The following FAM163B variants were observed in gnomAD, a reference collection of about 807,000 sequenced individuals.
FAM163B encodes family with sequence similarity 163 member B, also known as protein FAM163B.
FAM163B carries 4 observed loss-of-function variants against 7.6 expected under a neutral mutation model. The ratio of observed to expected loss-of-function variants is 0.52; its 90% CI spans 0.26 to 1.20. FAM163B has a LOEUF of 1.20. FAM163B is among the 50% of genes most tolerant of loss of function. The probability of loss-of-function intolerance (pLI) is 0.14; values close to 1 mark genes in which losing one functional copy is unlikely to be tolerated. For missense variants in FAM163B, 250 were observed against 243.0 expected (o/e 1.03, Z -0.19); for synonymous variants, 120 against 111.6 (o/e 1.07, Z -0.47).
Position 133,578,600 on chromosome 9 carries a change from C to A in FAM163B, c.*422G>T, listed in dbSNP as rs1831290918. 1 of 180,628 alleles carries A rather than the reference C, an allele frequency of 5.5e-6. No individual in the cohort carries two copies. Among genetic ancestry groups the A allele is most frequent in the Non-Finnish European group, 1.1e-5 (1 of 87,104 alleles). 11.2% of individuals were successfully genotyped at this position (180,628 alleles called of 1,614,324 possible). A position where few individuals can be genotyped will look rare whatever the true frequency, so the allele number is the denominator to read the frequency against. ...TGCCAGGGAGGGCCTTGCTGCAGGG[C>A]CCTGGGCCTCACTGAGGTCATCCCT... On this transcript the variant is annotated 3_prime_UTR_variant, in exon 3 of 3. Transcript: ENST00000673969.
In FAM163B at chr9:133,606,865, G is replaced by A. The variant is rs1831796422; in HGVS notation, c.-24+2212C>T. Among the ~76,000 whole-genome samples the A allele has an allele frequency of 6.6e-6, 1 of 152,222 alleles. No homozygotes were observed. The highest frequency in any genetic ancestry group is 2.1e-4 in the South Asian group (1 of 4,822). On this transcript the variant is annotated intron_variant, in intron 1 of 2. Transcript: ENST00000673969. The surrounding 1 kb of genome is among the most constrained non-coding windows in gnomAD (Gnocchi z 4.0). The stretch of plus-strand genomic sequence containing the variant: ...ATTCCTCGCTGGAGCCCGCTGCCAT[G>A]AGGCTGCAGAGGCAGGCCCACGTGG...
At chr9:133,597,736 G>A (rs1333274385) in intron 1 of FAM163B, among the ~76,000 whole-genome samples, 1 of 152,054 alleles carries the variant, frequency 6.6e-6, no homozygotes, top group East Asian at 1.9e-4. Context: ...TAAACACAGA[G>A]CCAAGGGCTG....
intron 1 of FAM163B, among the ~76,000 whole-genome samples, chr9:133,587,114 C>T (rs1030667887): frequency 4.6e-5 from 7 of 152,220 alleles, no homozygotes; most frequent in Non-Finnish European, 1.0e-4. Flanking sequence ...CGGACAGATG[C>T]CTATCCTTGC....
At chr9:133,584,108 C>G (rs1190436102) in intron 1 of FAM163B, among the ~76,000 whole-genome samples, 2 of 152,108 alleles carry the variant, frequency 1.3e-5, no homozygotes, top group Non-Finnish European at 1.5e-5. Flanking sequence ...TCCCAGGAAG[C>G]CTTCCTGAAC....
In FAM163B at chr9:133,579,321, TG is replaced by T; in HGVS notation, c.201del (p.Asn68ThrfsTer48). 1 of 1,613,688 alleles carries T rather than the reference TG, an allele frequency of 6.2e-7. No homozygotes were observed. Among genetic ancestry groups the T allele is most frequent in the South Asian group, 1.1e-5 (1 of 91,036 alleles). ...PLHSNRNLVL[T>X]NGPALYPTAS... is the part of the protein sequence containing the mutation. ...GCGGTGGGGTAGAGCGCCGGCCCGT[TG>T]GTCAGCACCAGGTTGCGGTTGGAGT... On this transcript the variant is annotated frameshift_variant, in exon 3 of 3. Transcript: ENST00000673969. LOFTEE classifies it high-confidence loss of function.
At chr9:133,587,582 T>C (rs1284472688) in intron 1 of FAM163B, among the ~76,000 whole-genome samples, 3 of 151,974 alleles carry the variant, frequency 2.0e-5, no homozygotes, top group Non-Finnish European at 4.4e-5. Context: ...GTGGGCAGGG[T>C]CTAGCCTTCA....
In FAM163B at chr9:133,577,417, G is replaced by C. The variant is rs11531919; in HGVS notation, c.*1605C>G. 0.74 allele frequency among the ~76,000 whole-genome samples: 112,424 copies of C among 152,200 alleles called. 41,732 individuals are homozygous for C. The highest frequency in any genetic ancestry group is 0.87 in the Middle Eastern group (255 of 294). Reference sequence around the variant, plus strand: ...GCGAATGCCACTGGCCTGTCCAAACGAGGCAGGAGAGAAAGTAAGAGGAGG... The same window carrying C: ...GCGAATGCCACTGGCCTGTCCAAACCAGGCAGGAGAGAAAGTAAGAGGAGG... On this transcript the variant is annotated 3_prime_UTR_variant, in exon 3 of 3. Coordinates refer to ENST00000673969, the MANE Select transcript of FAM163B (RefSeq NM_001080515.3).
At chr9:133,604,932 A>G (rs527470418) in intron 1 of FAM163B, among the ~76,000 whole-genome samples, 1 of 152,366 alleles carries the variant, frequency 6.6e-6, no homozygotes, top group African/African-American at 2.4e-5. Context: ...GCTCCCAGAC[A>G]GGGCCAGCCT....
chr9:133,599,737 ATG>A (rs968200170), intron 1 of FAM163B, among the ~76,000 whole-genome samples: 10 of 148,496 alleles, frequency 6.7e-5, no homozygotes, highest in Admixed American at 1.3e-4. Context: ...GTCTGTGTGC[ATG>A]TGTGTGGTCT....
intron 1 of FAM163B, among the ~76,000 whole-genome samples, chr9:133,583,132 G>A (rs1169784283): frequency 6.6e-5 from 10 of 152,288 alleles, no homozygotes; most frequent in Admixed American, 1.3e-4. Context: ...GTGGAGGCTC[G>A]TGCCCGAGTG....
chr9:133,594,222 A>C (rs546063629), intron 1 of FAM163B, among the ~76,000 whole-genome samples: 1 of 152,296 alleles, frequency 6.6e-6, no homozygotes, highest in African/African-American at 2.4e-5. Context: ...CAGTCCATCC[A>C]AGGAATCTCT....
At chr9:133,603,896 G>A (rs1159958098) in intron 1 of FAM163B, among the ~76,000 whole-genome samples, 4 of 152,226 alleles carry the variant, frequency 2.6e-5, no homozygotes, top group Non-Finnish European at 5.9e-5. Flanking sequence ...CTGTAGTGCA[G>A]TGGTGTGATC....
chr9:133,595,302 C>T (rs1366105417), intron 1 of FAM163B, among the ~76,000 whole-genome samples: 13 of 152,198 alleles, frequency 8.5e-5, no homozygotes, highest in African/African-American at 2.7e-4. Flanking sequence ...CATGCCAGCA[C>T]ACCCGGCTAA....
Position 133,601,579 on chromosome 9 carries a change from G to A in FAM163B, c.-24+7498C>T, listed in dbSNP as rs1274622679. 2.6e-5 allele frequency among the ~76,000 whole-genome samples: 4 copies of A among 152,158 alleles called. No individual in the cohort carries two copies. Among genetic ancestry groups the A allele is most frequent in the African/African-American group, 9.7e-5 (4 of 41,438 alleles). ...ATTTCGGGTGCCACATGGGTCAGAC[G>A]CAGCTACCCCCCGGACTGCTCCTAC... On this transcript the variant is annotated intron_variant, in intron 1 of 2. Transcript: ENST00000673969. This position sits in a 1 kb window ranked among gnomAD's most constrained non-coding sequence, Gnocchi z 4.1.
intron 1 of FAM163B, among the ~76,000 whole-genome samples, chr9:133,593,634 G>C (rs3025303): frequency 0.15 from 23,548 of 152,234 alleles, 2,160 homozygotes; most frequent in African/African-American, 0.24. Context: ...CCTCAGTCTT[G>C]TCTCTGAAAC....
In FAM163B at chr9:133,600,889, C is replaced by G. The variant is rs1345506466; in HGVS notation, c.-24+8188G>C. 6.6e-6 allele frequency among the ~76,000 whole-genome samples: 1 copy of G among 152,200 alleles called. No homozygotes were observed. Among genetic ancestry groups the G allele is most frequent in the African/African-American group, 2.4e-5 (1 of 41,442 alleles). On this transcript the variant is annotated intron_variant, in intron 1 of 2. Transcript: ENST00000673969. This position sits in a 1 kb window ranked among gnomAD's most constrained non-coding sequence, Gnocchi z 4.9. ...TCGCAAATAACAATTCATCCAAGGCCATTAACTCAACTCTCCCTTGGTAGG... is the reference window on the plus strand; with the variant it reads ...TCGCAAATAACAATTCATCCAAGGCGATTAACTCAACTCTCCCTTGGTAGG...
intron 1 of FAM163B, among the ~76,000 whole-genome samples, chr9:133,607,497 G>A (rs1278448054): frequency 2.0e-5 from 3 of 152,176 alleles, no homozygotes; most frequent in Admixed American, 6.5e-5. Flanking sequence ...GTGTCAGCAC[G>A]TCCTGAGAGT....
chr9:133,598,640 C>G (rs943372694), intron 1 of FAM163B, among the ~76,000 whole-genome samples: 2 of 152,026 alleles, frequency 1.3e-5, no homozygotes, highest in African/African-American at 4.8e-5. Flanking sequence ...GGACCGCTTT[C>G]CCAGGACTGT....
chr9:133,580,361 G>A, intron 1 of FAM163B, 115 bp from the exon 2 acceptor site: 1 of 781,332 alleles, frequency 1.3e-6, no homozygotes, highest in Non-Finnish European at 2.1e-6. Context: ...CCCAGGATGT[G>A]CCTGTGAGAG....
Sources: allele counts gnomAD v4.1 joint callset (sites outside exome capture counted in the v4.1 genomes callset), GRCh38; gene constraint gnomAD v4.1.1; non-coding constraint Gnocchi (gnomAD v3.1); transcripts MANE v1.5; gene names NCBI Gene and HGNC (gene_info 2026-07-23, HGNC 2026-07-21).